Variants in CROCC2 observed in about 807,000 individuals in gnomAD.
The protein encoded by CROCC2 is ciliary rootlet coiled-coil, rootletin family member 2, also known as ciliary rootlet coiled-coil protein 2.
Under a neutral mutation model 177.6 loss-of-function variants are expected in CROCC2, and 163 were observed. The ratio of observed to expected loss-of-function variants is 0.92; its 90% confidence interval spans 0.81 to 1.05. The LOEUF is 1.05. Ranked by LOEUF, CROCC2 falls within the 50% of genes least tolerant of loss-of-function variation. CROCC2 has a pLI of 0.00. For synonymous variants in CROCC2, 904 were observed against 787.3 expected, an observed-to-expected ratio of 1.15 and a Z score of -2.48; for missense variants, 1,929 against 1,797.8, an observed-to-expected ratio of 1.07 and a Z score of -1.32.
At chr2:240,983,169 C>A in intron 28 of CROCC2, 140 bp downstream of exon 28, 2 of 953,502 alleles carry the variant, frequency 2.1e-6, no homozygotes, top group Admixed American at 2.7e-5. Flanking sequence ...GGCAGGTGAG[C>A]AGGCCTGCAG....
intron 5 of CROCC2, among the ~76,000 whole-genome samples, chr2:240,926,576 C>A (rs550762579): frequency 9.3e-4 from 141 of 152,236 alleles, no homozygotes; most frequent in African/African-American, 3.2e-3. Context: ...CAAGGATTTC[C>A]CCAGGAAGAC....
Position 240,989,722 on chromosome 2 carries a change from G to A in CROCC2, c.4752G>A (p.Arg1584=). 2 of 1,550,388 alleles carry A rather than the reference G, an allele frequency of 1.3e-6. No homozygotes were observed. Among genetic ancestry groups the A allele is most frequent in the Non-Finnish European group, 1.7e-6 (2 of 1,146,904 alleles). ...AGGACCTGACAGCTCAGCACCAGCGGGACCTGGCCACAGAGGCAGAGCGTC... is the reference window on the plus strand; with the variant it reads ...AGGACCTGACAGCTCAGCACCAGCGAGACCTGGCCACAGAGGCAGAGCGTC... ...RLQDLTAQHQ[R]DLATEAERLH... is the part of the protein sequence containing the mutation. The change falls in exon 30 of 32, where the codon CGG becomes CGA. Residue 1584 remains arginine, a synonymous_variant. Transcript: ENST00000690015.
At chr2:240,933,586 A>G in intron 10 of CROCC2, 84 bp from the exon 11 acceptor site, 1 of 1,425,676 alleles carries the variant, frequency 7.0e-7, no homozygotes, top group Non-Finnish European at 9.5e-7. Flanking sequence ...GCTGGCATCC[A>G]CCCAGCCCCC....
At chr2:240,974,432 C>G (rs545826004) in intron 27 of CROCC2, among the ~76,000 whole-genome samples, 5 of 151,202 alleles carry the variant, frequency 3.3e-5, no homozygotes, top group African/African-American at 7.3e-5. Context: ...GTCTCTACCT[C>G]CTGGGCTCAA....
At position 240,972,406 on chromosome 2, in the gene CROCC2, C is replaced by T. The variant is rs1362334362; in HGVS notation, c.4401+4144C>T. On this transcript the variant is annotated intron_variant, in intron 27 of 31. Transcript: ENST00000690015. This position sits in a 1 kb window ranked among gnomAD's most constrained non-coding sequence, Gnocchi z 7.1. Reference sequence around the variant, plus strand: ...GGTCACGGTGCGGTCCTCCACCTCCCCAGCTGCTTGCCTCACAGGGATGGA... The same window carrying T: ...GGTCACGGTGCGGTCCTCCACCTCCTCAGCTGCTTGCCTCACAGGGATGGA... Among the ~76,000 whole-genome samples, 1 of 152,074 alleles carries T rather than the reference C, an allele frequency of 6.6e-6. No homozygotes were observed. Among genetic ancestry groups the T allele is most frequent in the African/African-American group, 2.4e-5 (1 of 41,400 alleles).
At chr2:240,964,422 C>G in intron 21 of CROCC2, 44 bp from the exon 22 acceptor site, 1 of 1,547,672 alleles carries the variant, frequency 6.5e-7, no homozygotes, top group East Asian at 2.4e-5. Context: ...TGTGCTGGCC[C>G]CACCAGGAGG....
In CROCC2 at chr2:240,968,130, C is replaced by T; in HGVS notation, c.4269C>T (p.Gly1423=). Residue 1423 remains glycine, a splice_region_variant and synonymous_variant, in exon 27 of 32, where the codon GGC becomes GGT. Coordinates refer to ENST00000690015, the MANE Select transcript of CROCC2 (RefSeq NM_001351305.2). ...LQKALAEAEE[G]QRRVEGALSS... ...CAAGCCACCCTGCTTGCCCCACAGG[C>T]CAGCGCCGGGTGGAGGGCGCGCTGA... The T allele has an allele frequency of 6.8e-7, 1 of 1,470,726 alleles. No homozygotes were observed. Among genetic ancestry groups the T allele is most frequent in the East Asian group, 2.5e-5 (1 of 39,426 alleles). 91.1% of individuals were successfully genotyped at this position (1,470,726 alleles called of 1,614,324 possible). A position where few individuals can be genotyped will look rare whatever the true frequency, so the allele number is the denominator to read the frequency against.
chr2:240,936,391 C>T (rs150854870), intron 14 of CROCC2, among the ~76,000 whole-genome samples: 2 of 152,342 alleles, frequency 1.3e-5, no homozygotes, highest in Non-Finnish European at 2.9e-5. Flanking sequence ...TGCAGCACCA[C>T]GGACTGGATG....
intron 1 of CROCC2, among the ~76,000 whole-genome samples, chr2:240,914,784 G>A (rs1031533520): frequency 2.6e-5 from 4 of 152,192 alleles, no homozygotes; most frequent in Admixed American, 6.5e-5. Flanking sequence ...ACGGGACGAC[G>A]GGGTGGTGGG....
In CROCC2 at chr2:240,989,788, C is replaced by T. The variant is rs1166836274; in HGVS notation, c.4818C>T (p.Ser1606=). The T allele has an allele frequency of 6.5e-7, 1 of 1,549,770 alleles. No individual in the cohort carries two copies. The highest frequency in any genetic ancestry group is 2.4e-5 in the East Asian group (1 of 40,904). Reference sequence around the variant, plus strand: ...CGCAGGCCACGCAGGCCCTGGAGTCCCAAGAATGGACCCACCAGCAGCAGG... The same window carrying T: ...CGCAGGCCACGCAGGCCCTGGAGTCTCAAGAATGGACCCACCAGCAGCAGG... ...ARPQATQALE[S]QEWTHQQQVK... The change falls in exon 30 of 32, where the codon TCC becomes TCT. Residue 1606 remains serine (S), a synonymous_variant. Transcript: ENST00000690015.
intron 19 of CROCC2, 137 bp from the exon 20 acceptor site, chr2:240,959,164 G>A: frequency 4.0e-6 from 4 of 1,006,212 alleles, no homozygotes; most frequent in Non-Finnish European, 4.2e-6. Context: ...TTACCCCGGG[G>A]CTTGCACGAT....
intron 15 of CROCC2, among the ~76,000 whole-genome samples, chr2:240,946,965 G>C (rs1333878980): frequency 6.6e-6 from 1 of 152,252 alleles, no homozygotes; most frequent in Non-Finnish European, 1.5e-5. Flanking sequence ...AAGTTGGGAC[G>C]GGCACTCGCA....
chr2:240,932,581 T>C, intron 8 of CROCC2, 121 bp from the exon 9 acceptor site: 1 of 693,894 alleles, frequency 1.4e-6, no homozygotes, highest in South Asian at 1.6e-5. Flanking sequence ...CCCTCGCCTG[T>C]CCTCCCAGTG....
chr2:240,983,655 C>A, intron 28 of CROCC2: 1 of 1,267,754 alleles, frequency 7.9e-7, no homozygotes, highest in Non-Finnish European at 1.0e-6. Context: ...CTGGGAGAGG[C>A]GCTGGCCCAC....
intron 1 of CROCC2, among the ~76,000 whole-genome samples, chr2:240,915,952 C>G (rs2059317420): frequency 6.6e-6 from 1 of 152,186 alleles, no homozygotes; most frequent in African/African-American, 2.4e-5. Flanking sequence ...GAATACAAGC[C>G]TCCAGCGGAC....
In CROCC2 at chr2:240,973,748, G is replaced by A. The variant is rs1447762581; in HGVS notation, c.4401+5486G>A. 6.6e-6 allele frequency among the ~76,000 whole-genome samples: 1 copy of A among 152,230 alleles called. No individual in the cohort carries two copies. Among genetic ancestry groups the A allele is most frequent in the Non-Finnish European group, 1.5e-5 (1 of 68,038 alleles). ...TTGATTACTCTCAGTGTTTTGTCAA[G>A]AATTTTTGCATCTGTAATTCCTTTA... On this transcript the variant is annotated intron_variant, in intron 27 of 31. Coordinates refer to ENST00000690015, the MANE Select transcript of CROCC2 (RefSeq NM_001351305.2). The surrounding 1 kb of genome is among the most constrained non-coding windows in gnomAD (Gnocchi z 4.7).
At chr2:240,944,974 T>C (rs903118994) in intron 14 of CROCC2, among the ~76,000 whole-genome samples, 2 of 152,224 alleles carry the variant, frequency 1.3e-5, no homozygotes, top group East Asian at 1.9e-4. Context: ...TCTCACTCTG[T>C]CACCCAGGCT....
Position 240,986,090 on chromosome 2 carries a change from C to T in CROCC2, c.4552-2649C>T, listed in dbSNP as rs558894946. Reference sequence around the variant, plus strand: ...TGGACACTGCCCTTTCTACAGCATGCGTTGTTTAAATGACTCCAGGGCACC... The same window carrying T: ...TGGACACTGCCCTTTCTACAGCATGTGTTGTTTAAATGACTCCAGGGCACC... On this transcript the variant is annotated intron_variant, in intron 28 of 31. Coordinates refer to ENST00000690015, the MANE Select transcript of CROCC2 (RefSeq NM_001351305.2). 57 of 386,242 alleles carry T rather than the reference C, an allele frequency of 1.5e-4. 2 individuals carry two copies. Among genetic ancestry groups the T allele is most frequent in the African/African-American group, 6.0e-4 (29 of 48,256 alleles). 23.9% of individuals were successfully genotyped at this position (386,242 alleles called of 1,614,324 possible).
rs34726174 is a variant in CROCC2, at chr2:240,932,430, G to A, written c.1044+16G>A. 118,338 of 717,240 alleles carry A rather than the reference G, an allele frequency of 0.16. 11,103 individuals carry two copies. The highest frequency in any genetic ancestry group is 0.24 in the African/African-American group (13,484 of 57,312). 44.4% of individuals were successfully genotyped at this position (717,240 alleles called of 1,614,324 possible). On this transcript the variant is annotated intron_variant, in intron 8 of 31. Coordinates refer to ENST00000690015, the MANE Select transcript of CROCC2 (RefSeq NM_001351305.2). ...GCAGAACCTGGTTGGTGGGCAGGACGGGGGTGGCTGTGTGGCAGGGGTCTG... is the reference window on the plus strand; with the variant it reads ...GCAGAACCTGGTTGGTGGGCAGGACAGGGGTGGCTGTGTGGCAGGGGTCTG...
Sources: allele counts gnomAD v4.1 joint callset (sites outside exome capture counted in the v4.1 genomes callset), GRCh38; gene constraint gnomAD v4.1.1; non-coding constraint Gnocchi (gnomAD v3.1); transcripts MANE v1.5; gene names NCBI Gene and HGNC (gene_info 2026-07-23, HGNC 2026-07-21).